Variants in AKAP19 observed in about 807,000 individuals in gnomAD.
AKAP19 encodes small A-kinase anchoring protein.
the AKAP19 span, among the ~76,000 whole-genome samples, chr2:189,966,371 C>T: frequency 5.3e-5 from 8 of 152,124 alleles, no homozygotes; most frequent in Non-Finnish European, 8.8e-5. Context: ...TAGACTTGCT[C>T]GATGCAGGTT....
At chr2:189,996,934 C>A in the AKAP19 span, among the ~76,000 whole-genome samples, 1 of 152,168 alleles carries the variant, frequency 6.6e-6, no homozygotes, top group African/African-American at 2.4e-5. Flanking sequence ...CAGAGACTCC[C>A]AAGATGTGAT....
At chr2:190,029,821 C>T in the AKAP19 span, among the ~76,000 whole-genome samples, 6 of 152,066 alleles carry the variant, frequency 3.9e-5, no homozygotes, top group South Asian at 2.1e-4. Context: ...TAAACACACA[C>T]GTACACACCC....
chr2:189,979,406 C>G, the AKAP19 span, among the ~76,000 whole-genome samples: 1 of 152,078 alleles, frequency 6.6e-6, no homozygotes, highest in Admixed American at 6.6e-5. Context: ...ATTCCTACCT[C>G]TCATCATATA....
At chr2:190,121,924 G>A in the AKAP19 span, among the ~76,000 whole-genome samples, 1 of 152,106 alleles carries the variant, frequency 6.6e-6, no homozygotes, top group African/African-American at 2.4e-5. Context: ...ACTAAGTGAT[G>A]ATGTGTTTTG....
At chr2:190,170,589 C>T in the AKAP19 span, among the ~76,000 whole-genome samples, 1 of 152,302 alleles carries the variant, frequency 6.6e-6, no homozygotes, top group Non-Finnish European at 1.5e-5. Flanking sequence ...CATCCCCCAT[C>T]CCCAACCAGG....
chr2:190,166,755 T>G, the AKAP19 span, among the ~76,000 whole-genome samples: 2 of 152,190 alleles, frequency 1.3e-5, no homozygotes, highest in African/African-American at 4.8e-5. Flanking sequence ...GAATGGGACT[T>G]CCTTGATCTG....
At chr2:189,989,828 TA>T in the AKAP19 span, among the ~76,000 whole-genome samples, 1 of 152,130 alleles carries the variant, frequency 6.6e-6, no homozygotes, top group Non-Finnish European at 1.5e-5. Flanking sequence ...AAGAGTTGAA[TA>T]GTAAAAATTT....
the AKAP19 span, among the ~76,000 whole-genome samples, chr2:190,182,556 G>A: frequency 6.6e-6 from 1 of 152,178 alleles, no homozygotes; most frequent in South Asian, 2.1e-4. Flanking sequence ...AGGTGCCTAG[G>A]AGTCAGTAAA....
chr2:189,919,876 T>C, the AKAP19 span, among the ~76,000 whole-genome samples: 1 of 152,228 alleles, frequency 6.6e-6, no homozygotes, highest in African/African-American at 2.4e-5. Context: ...CCTCTTCCTC[T>C]ATCTGCCTTC....
At chr2:189,968,039 G>A in the AKAP19 span, among the ~76,000 whole-genome samples, 1 of 152,052 alleles carries the variant, frequency 6.6e-6, no homozygotes, top group Admixed American at 6.6e-5. Context: ...GAATATCACA[G>A]TTACCGCCAG....
the AKAP19 span, among the ~76,000 whole-genome samples, chr2:189,949,379 T>C: frequency 6.6e-6 from 1 of 151,920 alleles, no homozygotes; most frequent in African/African-American, 2.4e-5. Flanking sequence ...TGGTGAAACC[T>C]CATCTCTATT....
At chr2:189,999,901 C>G in the AKAP19 span, among the ~76,000 whole-genome samples, 1 of 152,198 alleles carries the variant, frequency 6.6e-6, no homozygotes, top group Non-Finnish European at 1.5e-5. Context: ...ATGAAAGCCT[C>G]TGAACTAGTC....
the AKAP19 span, among the ~76,000 whole-genome samples, chr2:189,981,106 A>G: frequency 2.6e-5 from 4 of 152,176 alleles, no homozygotes; most frequent in African/African-American, 9.6e-5. Context: ...AATGCTGTCA[A>G]TGGGGTTGTT....
chr2:190,029,379 C>T, the AKAP19 span, among the ~76,000 whole-genome samples: 1 of 151,942 alleles, frequency 6.6e-6, no homozygotes, highest in East Asian at 1.9e-4. Context: ...TGGCAGCATT[C>T]ATTATATCAT....
chr2:190,034,620 G>C, the AKAP19 span, among the ~76,000 whole-genome samples: 2 of 151,024 alleles, frequency 1.3e-5, no homozygotes, highest in African/African-American at 4.9e-5. Flanking sequence ...CAAGGAGGGC[G>C]GATCACTTGA....
the AKAP19 span, among the ~76,000 whole-genome samples, chr2:189,939,310 C>T: frequency 3.3e-5 from 5 of 152,120 alleles, no homozygotes; most frequent in Non-Finnish European, 7.4e-5. Flanking sequence ...TCCTGCAGGA[C>T]CTTCCCAATT....
chr2:190,009,082 T>C, the AKAP19 span, among the ~76,000 whole-genome samples: 3 of 152,126 alleles, frequency 2.0e-5, no homozygotes, highest in South Asian at 2.1e-4. Context: ...TATCTGGCAT[T>C]GTGAGGAATA....
the AKAP19 span, among the ~76,000 whole-genome samples, chr2:189,989,001 A>T: frequency 2.6e-5 from 4 of 152,248 alleles, no homozygotes; most frequent in Non-Finnish European, 5.9e-5. Flanking sequence ...ATGCAATGAG[A>T]TGGGCTAGGG....
the AKAP19 span, among the ~76,000 whole-genome samples, chr2:189,973,823 G>A: frequency 2.0e-5 from 3 of 152,040 alleles, no homozygotes; most frequent in Admixed American, 2.0e-4. Flanking sequence ...TGGGATTGGT[G>A]GTGATATCCC....
Sources: gnomAD v4.1 joint callset for allele counts (sites outside exome capture counted in the v4.1 genomes callset) on GRCh38, gnomAD v4.1.1 for gene constraint, MANE v1.5 for transcripts, NCBI Gene and HGNC (gene_info 2026-07-23, HGNC 2026-07-21) for gene names.